The following IL17RD variants were observed in gnomAD, a reference collection of about 807,000 sequenced individuals.
IL17RD encodes the protein interleukin 17 receptor D.
IL17RD carries 52 observed loss-of-function variants against 80.5 expected under a neutral mutation model. That is an observed-to-expected ratio of 0.65 (90% CI 0.52 to 0.81). IL17RD has a LOEUF of 0.81. Ranked by LOEUF, IL17RD falls within the 40% of genes least tolerant of loss-of-function variation. IL17RD has a pLI of 0.00. For synonymous variants in IL17RD, 416 were observed against 391.8 expected (o/e 1.06, Z -0.73); for missense variants, 1,024 against 955.1 (o/e 1.07, Z -0.95).
intron 10 of IL17RD, 63 bp downstream of exon 10, chr3:57,102,416 T>C (rs1706853482): frequency 1.6e-5 from 14 of 867,504 alleles, no homozygotes; most frequent in Non-Finnish European, 2.4e-5. Flanking sequence ...AGTCTCTCTT[T>C]CTCTTGGCAG....
rs115963368 is a variant in IL17RD, at chr3:57,112,470, T to C, written c.311-2159A>G. 9.7e-3 allele frequency among the ~76,000 whole-genome samples: 1,474 copies of C among 152,010 alleles called. 13 individuals carry two copies. The highest frequency in any genetic ancestry group is 0.034 in the African/African-American group (1,410 of 41,490). ...GAAACTCTCCAGCCACCCCCACCCA[T>C]AAATCAGCATCCAGGAAAAGCGCAG... On this transcript the variant is annotated intron_variant, in intron 3 of 12. Transcript: ENST00000296318.
In IL17RD at chr3:57,114,614, G is replaced by A. The variant is rs1332097632; in HGVS notation, c.310+78C>T. 5 of 1,380,782 alleles carry A rather than the reference G, an allele frequency of 3.6e-6. No individual in the cohort carries two copies. The Admixed American group carries it at 8.1e-5, about 22-fold the overall frequency. The allele number at this position is 1,380,782 out of a possible 1,614,324, so 85.5% of individuals were successfully genotyped here. Reference sequence around the variant, plus strand: ...CACATCAAGACCTGCCTGGTTCCTGGAGACCATCATGTGGGACCTTTGCAC... The same window carrying A: ...CACATCAAGACCTGCCTGGTTCCTGAAGACCATCATGTGGGACCTTTGCAC... On this transcript the variant is annotated intron_variant, in intron 3 of 12. Transcript: ENST00000296318.
At chr3:57,116,440 C>A (rs1707218666) in intron 2 of IL17RD, among the ~76,000 whole-genome samples, 1 of 99,820 alleles carries the variant, frequency 1.0e-5, no homozygotes, top group South Asian at 5.4e-4. Flanking sequence ...TGCGCCACCA[C>A]ACCCGGCTAA....
intron 1 of IL17RD, among the ~76,000 whole-genome samples, chr3:57,130,771 T>C (rs141285016): frequency 0.026 from 3,894 of 152,302 alleles, 74 homozygotes; most frequent in Admixed American, 0.043. Context: ...CCCCCTGAGA[T>C]GCAGTCAGGG....
At position 57,154,277 on chromosome 3, in the gene IL17RD, T is replaced by TACACACACACACACACAC. The variant is rs1420516131; in HGVS notation, c.126+10883_126+10884insGTGTGTGTGTGTGTGTGT. 2.6e-3 allele frequency among the ~76,000 whole-genome samples: 318 copies of TACACACACACACACACAC among 124,466 alleles called. 4 individuals carry two copies. The highest frequency in any genetic ancestry group is 0.016 in the Middle Eastern group (4 of 250). 81.7% of individuals were successfully genotyped at this position (124,466 alleles called of 152,430 possible). ...AAAAAAAATTATATATATATATATATATATATACACACACACACACACACA... is the reference window on the plus strand; with the variant it reads ...AAAAAAAATTATATATATATATATATACACACACACACACACACATATATACACACACACACACACACA... On this transcript the variant is annotated intron_variant, in intron 1 of 12. Coordinates refer to ENST00000296318, the MANE Select transcript of IL17RD (RefSeq NM_017563.5).
chr3:57,152,315 C>T (rs1032834718), intron 1 of IL17RD, among the ~76,000 whole-genome samples: 1 of 152,210 alleles, frequency 6.6e-6, no homozygotes, highest in African/African-American at 2.4e-5. Flanking sequence ...TGCTTTCTGG[C>T]CTTTCACTGT....
At chr3:57,150,929 ATTCCTGGAAAACACTTTGAAAAGT>A (rs1473436421) in intron 1 of IL17RD, among the ~76,000 whole-genome samples, 6 of 152,166 alleles carry the variant, frequency 3.9e-5, no homozygotes, top group Non-Finnish European at 8.8e-5. Context: ...TCTGCTGAGG[ATTCCTGGAAAACACTTTGAAAAGT>A]TTAAGATGAT....
At chr3:57,148,635 G>A (rs75205515) in intron 1 of IL17RD, among the ~76,000 whole-genome samples, 22,716 of 152,156 alleles carry the variant, frequency 0.15, 2,246 homozygotes, top group East Asian at 0.38. Context: ...AATCAATGGG[G>A]GTCGAGGAGG....
chr3:57,164,784 G>T, intron 1 of IL17RD: 1 of 586,360 alleles, frequency 1.7e-6, no homozygotes, highest in Non-Finnish European at 2.3e-6. Context: ...CCCGGTCCGG[G>T]TGGCTCGGGG....
In IL17RD at chr3:57,096,010, T is replaced by C. The variant is rs1304696783; in HGVS notation, c.*383A>G. The C allele has an allele frequency of 5.7e-6, 1 of 174,536 alleles. No individual in the cohort carries two copies. Among genetic ancestry groups the C allele is most frequent in the African/African-American group, 2.4e-5 (1 of 42,336 alleles). 10.8% of individuals were successfully genotyped at this position (174,536 alleles called of 1,614,324 possible). A position where few individuals can be genotyped will look rare whatever the true frequency, so the allele number is the denominator to read the frequency against. ...TTTCACAAAGCATTTCAAATCAAGG[T>C]AGCCAATAGCAAACAGGCAAAGTTT... On this transcript the variant is annotated 3_prime_UTR_variant, in exon 13 of 13. Coordinates refer to ENST00000296318, the MANE Select transcript of IL17RD (RefSeq NM_017563.5).
intron 2 of IL17RD, among the ~76,000 whole-genome samples, chr3:57,117,361 G>A (rs535992283): frequency 1.3e-5 from 2 of 152,024 alleles, no homozygotes; most frequent in Non-Finnish European, 2.9e-5. Context: ...TGATCCACCC[G>A]CTTTGGCCTC....
chr3:57,116,021 T>C (rs537065243), intron 2 of IL17RD, among the ~76,000 whole-genome samples: 2 of 152,298 alleles, frequency 1.3e-5, no homozygotes, highest in South Asian at 4.1e-4. Flanking sequence ...ATTCATAACC[T>C]CTTACCACAC....
intron 1 of IL17RD, among the ~76,000 whole-genome samples, chr3:57,131,764 AGGAGGCTTCTGGACCCCT>A (rs1341187230): frequency 6.6e-6 from 1 of 152,244 alleles, no homozygotes; most frequent in Non-Finnish European, 1.5e-5. Flanking sequence ...TGGTATTTTC[AGGAGGCTTCTGGACCCCT>A]GAAGCCCCCA....
At chr3:57,136,891 G>A (rs1230919109) in intron 1 of IL17RD, among the ~76,000 whole-genome samples, 15 of 152,096 alleles carry the variant, frequency 9.9e-5, no homozygotes, top group African/African-American at 3.6e-4. Context: ...TAAAAGACAC[G>A]AAACTACAGT....
At chr3:57,168,615 T>A (rs2060357321), upstream of IL17RD, among the ~76,000 whole-genome samples, 1 of 152,230 alleles carries the variant, frequency 6.6e-6, no homozygotes, top group South Asian at 2.1e-4. Context: ...AAATTAAGGT[T>A]GTAAATTGGC....
At chr3:57,164,160 G>C (rs942639187) in intron 1 of IL17RD, among the ~76,000 whole-genome samples, 2 of 152,214 alleles carry the variant, frequency 1.3e-5, no homozygotes, top group African/African-American at 4.8e-5. Flanking sequence ...GCAGAGCCAA[G>C]GTCATGTCCC....
At chr3:57,138,261 TTATGTG>T (rs1337004059) in intron 1 of IL17RD, among the ~76,000 whole-genome samples, 1 of 152,200 alleles carries the variant, frequency 6.6e-6, no homozygotes, top group Non-Finnish European at 1.5e-5. Context: ...AAATTTTATG[TTATGTG>T]TATTTCAACA....
In IL17RD at chr3:57,098,053, G is replaced by C; in HGVS notation, c.1650C>G (p.His550Gln). 6.2e-7 allele frequency: 1 copy of C among 1,614,000 alleles called. No individual in the cohort carries two copies. The highest frequency in any genetic ancestry group is 2.2e-5 in the East Asian group (1 of 44,876). Reference sequence around the variant, plus strand: ...AGTCGGGCTCCTCGTCAATAAACTGGTGCATGTTGCAAATGGCGACGTATA... The same window carrying C: ...AGTCGGGCTCCTCGTCAATAAACTGCTGCATGTTGCAAATGGCGACGTATA... ...RSLYVAICNM[H>Q]QFIDEEPDWF... is the part of the protein sequence containing the mutation. The change falls in exon 12 of 13, where the codon CAC becomes CAG. Residue 550 changes from histidine (H) to glutamine (Q), a missense_variant. Transcript: ENST00000296318.
intron 11 of IL17RD, 98 bp from the exon 12 acceptor site, chr3:57,098,636 A>T: frequency 2.6e-6 from 2 of 778,642 alleles, no homozygotes; most frequent in Non-Finnish European, 4.3e-6. Flanking sequence ...AGGCCATCTC[A>T]TCTGCCCCTT....
Sources: allele counts gnomAD v4.1 joint callset (sites outside exome capture counted in the v4.1 genomes callset), GRCh38; gene constraint gnomAD v4.1.1; transcripts MANE v1.5; gene names NCBI Gene and HGNC (gene_info 2026-07-23, HGNC 2026-07-21).